Variants in LAMA2 observed in about 807,000 individuals in gnomAD.
LAMA2 encodes laminin subunit alpha 2, also known as laminin subunit alpha-2.
In LAMA2, 269 loss-of-function variants were observed where a neutral mutation model predicts 364.8. The observed-to-expected ratio is 0.74, with a 90% CI of 0.67 to 0.82. The LOEUF is 0.82. Ranked by LOEUF, LAMA2 falls within the 40% of genes least tolerant of loss-of-function variation. The pLI, the probability that LAMA2 is intolerant of heterozygous loss-of-function variation, is 0.00. For missense variants in LAMA2, 3,807 were observed against 3,873.2 expected, an observed-to-expected ratio of 0.98 and a Z score of 0.45; for synonymous variants, 1,379 against 1,370.6, an observed-to-expected ratio of 1.01 and a Z score of -0.14.
intron 1 of LAMA2, among the ~76,000 whole-genome samples, chr6:128,922,828 T>G (rs1413946347): frequency 6.6e-6 from 1 of 152,224 alleles, no homozygotes; most frequent in Non-Finnish European, 1.5e-5. Context: ...CTTCTAGTGT[T>G]TTTATGGTTT....
intron 18 of LAMA2, among the ~76,000 whole-genome samples, chr6:129,284,768 C>T (rs1417103968): frequency 2.6e-5 from 4 of 152,094 alleles, no homozygotes; most frequent in African/African-American, 9.7e-5. Flanking sequence ...CTCTTCCTCT[C>T]TCCCTCCCTC....
At chr6:129,338,611 A>G (rs895171706) in intron 29 of LAMA2, among the ~76,000 whole-genome samples, 5 of 152,166 alleles carry the variant, frequency 3.3e-5, no homozygotes, top group Admixed American at 2.6e-4. Context: ...TTCATCTGAA[A>G]AAGCCTGACC....
intron 4 of LAMA2, among the ~76,000 whole-genome samples, chr6:129,117,530 C>G (rs1776546645): frequency 6.6e-6 from 1 of 152,142 alleles, no homozygotes; most frequent in African/African-American, 2.4e-5. Context: ...ACTTAAGCAT[C>G]CGTATTTGTT....
At position 129,342,360 on chromosome 6, in the gene LAMA2, T is replaced by C. The variant is rs755884124; in HGVS notation, c.4329T>C (p.Thr1443=). The C allele has an allele frequency of 6.2e-7, 1 of 1,613,264 alleles. No individual in the cohort carries two copies. The highest frequency in any genetic ancestry group is 1.1e-5 in the South Asian group (1 of 91,076). Residue 1443 remains threonine (T), a synonymous_variant, in exon 30 of 65, where the codon ACT becomes ACC. Transcript: ENST00000421865. ...TSICQNCQHH[T]AGDFCERCAL... ...CTTTACAGAATTGTCAACATCACAC[T>C]GCTGGTGACTTCTGTGAACGATGTG...
intron 32 of LAMA2, among the ~76,000 whole-genome samples, chr6:129,353,836 C>T (rs975620269): frequency 1.5e-4 from 23 of 152,256 alleles, no homozygotes; most frequent in African/African-American, 5.1e-4. Context: ...ATAATTTTCT[C>T]TTGAACTACA....
chr6:129,415,532 T>G lies in LAMA2; in HGVS notation c.5865+11573T>G, dbSNP rs149651160. Reference sequence around the variant, plus strand: ...TGTGGGTACAATAACTGCAAAAGATTGAGGAGCAGGAACTATCTAAATAAC... The same window carrying G: ...TGTGGGTACAATAACTGCAAAAGATGGAGGAGCAGGAACTATCTAAATAAC... On this transcript the variant is annotated intron_variant, in intron 40 of 64. Transcript: ENST00000421865. Among the ~76,000 whole-genome samples, 370 of 152,202 alleles carry G rather than the reference T, an allele frequency of 2.4e-3. 1 individual carries two copies. The highest frequency in any genetic ancestry group is 3.4e-3 in the Middle Eastern group (1 of 294).
At chr6:129,212,160 A>C (rs1311127510) in intron 12 of LAMA2, among the ~76,000 whole-genome samples, 1 of 152,196 alleles carries the variant, frequency 6.6e-6, no homozygotes, top group South Asian at 2.1e-4. Flanking sequence ...GGAGGACCGA[A>C]ATAGTATGCC....
chr6:129,158,392 G>A (rs1300757749), intron 8 of LAMA2: 6 of 1,613,766 alleles, frequency 3.7e-6, no homozygotes, highest in Middle Eastern at 1.7e-4. Flanking sequence ...TCTCCATATC[G>A]GCCTTTACCA....
intron 1 of LAMA2, among the ~76,000 whole-genome samples, chr6:128,993,626 A>C (rs1783743280): frequency 6.6e-6 from 1 of 152,114 alleles, no homozygotes; most frequent in Admixed American, 6.6e-5. Context: ...TATATGAGAG[A>C]AAATATGTAG....
rs552457371 is a variant in LAMA2 at position 129,417,444 on chromosome 6, G to A, written c.5866-10308G>A. 1.2e-4 allele frequency among the ~76,000 whole-genome samples: 18 copies of A among 152,196 alleles called. No homozygotes were observed. The East Asian group carries it at 3.5e-3, about 29-fold the overall frequency. On this transcript the variant is annotated intron_variant, in intron 40 of 64. Coordinates refer to ENST00000421865, the MANE Select transcript of LAMA2 (RefSeq NM_000426.4). ...CGGGGTTTTTTATGGGCCTCAGAGG[G>A]GAGGAAGTGTATGCTGATTGGTCCA... is the stretch of plus-strand genomic sequence containing the variant.
chr6:129,043,595 A>G (rs1173063939), intron 1 of LAMA2, among the ~76,000 whole-genome samples: 1 of 152,200 alleles, frequency 6.6e-6, no homozygotes, highest in Non-Finnish European at 1.5e-5. Context: ...TGCTTATTCC[A>G]ACATCTGGTT....
At chr6:129,372,030 A>G (rs1583596021) in intron 34 of LAMA2, among the ~76,000 whole-genome samples, 1 of 152,182 alleles carries the variant, frequency 6.6e-6, no homozygotes, top group East Asian at 1.9e-4. Context: ...GAACAGCTTA[A>G]AGTTCAAAGA....
chr6:129,256,763 C>CATATATATATATATATATATAT (rs199726173), intron 14 of LAMA2, among the ~76,000 whole-genome samples: 2 of 87,956 alleles, frequency 2.3e-5, no homozygotes, highest in Non-Finnish European at 4.5e-5. Flanking sequence ...AATTATATAG[C>CATATATATATATATATATATAT]ATATATATAT....
intron 3 of LAMA2, among the ~76,000 whole-genome samples, chr6:129,091,009 A>G (rs1161065256): frequency 6.6e-6 from 1 of 152,076 alleles, no homozygotes; most frequent in African/African-American, 2.4e-5. Flanking sequence ...CTTCCATCTC[A>G]GGGTTTTCTT....
intron 28 of LAMA2, 89 bp downstream of exon 28, chr6:129,320,744 A>G: frequency 1.3e-6 from 1 of 746,816 alleles, no homozygotes; most frequent in South Asian, 1.4e-5. Flanking sequence ...CTGCATACAT[A>G]TTCTTAATCT....
At chr6:129,172,758 C>A (rs937004092) in intron 9 of LAMA2, among the ~76,000 whole-genome samples, 1 of 152,198 alleles carries the variant, frequency 6.6e-6, no homozygotes, top group Non-Finnish European at 1.5e-5. Flanking sequence ...AATGGCGGCG[C>A]CCCTCCCCCA....
At chr6:129,252,750 A>T (rs1247680010) in intron 14 of LAMA2, among the ~76,000 whole-genome samples, 1 of 149,926 alleles carries the variant, frequency 6.7e-6, no homozygotes, top group African/African-American at 2.5e-5. Context: ...CTTTTCATTT[A>T]AGTGACCACC....
chr6:129,452,041 A>G (rs554662127), intron 45 of LAMA2, among the ~76,000 whole-genome samples: 1 of 152,350 alleles, frequency 6.6e-6, no homozygotes, highest in South Asian at 2.1e-4. Flanking sequence ...CAAATGGCAA[A>G]GAGAGATTTT....
At chr6:129,225,946 C>T (rs899227404) in intron 12 of LAMA2, among the ~76,000 whole-genome samples, 1 of 152,018 alleles carries the variant, frequency 6.6e-6, no homozygotes, top group African/African-American at 2.4e-5. Flanking sequence ...TTAAAGTCTC[C>T]CATTATTATT....
Sources: gnomAD v4.1 joint callset for allele counts (sites outside exome capture counted in the v4.1 genomes callset) on GRCh38, gnomAD v4.1.1 for gene constraint, MANE v1.5 for transcripts, NCBI Gene and HGNC (gene_info 2026-07-23, HGNC 2026-07-21) for gene names.